The following LARGE1 variants were observed in gnomAD, a reference collection of about 807,000 sequenced individuals.
LARGE1 encodes xylosyl- and glucuronyltransferase LARGE1.
A neutral mutation model predicts 87.6 loss-of-function variants in LARGE1; 43 were observed. The observed-to-expected ratio is 0.49, with a 90% CI of 0.38 to 0.63. The LOEUF is 0.63. Among genes scored for constraint, LARGE1 ranks in the 30% least tolerant of loss-of-function variants. The pLI is 0.00. For synonymous variants in LARGE1, 434 were observed against 394.6 expected (o/e 1.10, Z -1.18); for missense variants, 802 against 1,000.2 (o/e 0.80, Z 2.67).
rs111482580 is a variant in LARGE1, at chr22:33,760,904, G to A, written c.106+467C>T. Among the ~76,000 whole-genome samples the A allele has an allele frequency of 7.9e-3, 1,201 of 152,186 alleles. 13 individuals carry two copies. Among genetic ancestry groups the A allele is most frequent in the African/African-American group, 0.028 (1,154 of 41,524 alleles). ...CACTGCACTCCAGCCTGGTAACAGA[G>A]CGAGACTCCGTCTCAAAAAAACCAA... On this transcript the variant is annotated intron_variant, in intron 2 of 14. Transcript: ENST00000397394.
chr22:33,304,635 C>T (rs1354674496), intron 11 of LARGE1, 128 bp from the exon 12 acceptor site: 4 of 966,718 alleles, frequency 4.1e-6, no homozygotes, highest in South Asian at 3.4e-5. Context: ...CTGCTTTCAA[C>T]GTTGACTCAC....
At chr22:33,378,705 ATAATT>A (rs2065063734) in intron 9 of LARGE1, among the ~76,000 whole-genome samples, 1 of 152,200 alleles carries the variant, frequency 6.6e-6, no homozygotes, top group South Asian at 2.1e-4. Flanking sequence ...CTGGGTCCCT[ATAATT>A]TAATACAACA....
intron 7 of LARGE1, among the ~76,000 whole-genome samples, chr22:33,423,406 G>T (rs947269438): frequency 6.6e-6 from 1 of 151,928 alleles, no homozygotes; most frequent in Non-Finnish European, 1.5e-5. Context: ...GCTGGGCACG[G>T]TGGCTCACGC....
intron 10 of LARGE1, chr22:33,322,525 G>C (rs1936846268): frequency 6.6e-6 from 1 of 152,172 alleles, no homozygotes; most frequent in South Asian, 2.1e-4. Flanking sequence ...TGCTGACTGC[G>C]TGGCTGATGT....
At chr22:33,821,659 C>T (rs1291572805) in intron 1 of LARGE1, among the ~76,000 whole-genome samples, 1 of 152,116 alleles carries the variant, frequency 6.6e-6, no homozygotes, top group Non-Finnish European at 1.5e-5. Context: ...TGACTTGTAC[C>T]CTCCTTAGCC....
chr22:33,074,993 GC>G, the LARGE1 span, among the ~76,000 whole-genome samples: 1 of 152,182 alleles, frequency 6.6e-6, no homozygotes, highest in African/African-American at 2.4e-5. Flanking sequence ...GGAATTCCAA[GC>G]TTAGCGAGCT....
At chr22:33,418,850 TG>T (rs1406954306) in intron 7 of LARGE1, among the ~76,000 whole-genome samples, 10 of 152,228 alleles carry the variant, frequency 6.6e-5, no homozygotes, top group Middle Eastern at 3.4e-3. Context: ...TCAGGAACCT[TG>T]GGGCACAGGC....
At chr22:33,084,883 TAGTG>T in the LARGE1 span, among the ~76,000 whole-genome samples, 2 of 152,170 alleles carry the variant, frequency 1.3e-5, no homozygotes, top group East Asian at 1.9e-4. Flanking sequence ...CCTCAAAATC[TAGTG>T]AGTATTTTAC....
At chr22:33,516,037 A>G (rs2071288366) in intron 6 of LARGE1, among the ~76,000 whole-genome samples, 1 of 152,224 alleles carries the variant, frequency 6.6e-6, no homozygotes, top group Non-Finnish European at 1.5e-5. Context: ...AGAGCAATCA[A>G]TGATAGACAG....
chr22:33,606,584 C>G (rs904580055), intron 4 of LARGE1, among the ~76,000 whole-genome samples: 1 of 152,014 alleles, frequency 6.6e-6, no homozygotes, highest in African/African-American at 2.4e-5. Context: ...TTTCCCGCCC[C>G]CTACCCCGTG....
intron 1 of LARGE1, among the ~76,000 whole-genome samples, chr22:33,797,741 T>C (rs1430496117): frequency 6.6e-6 from 1 of 152,198 alleles, no homozygotes; most frequent in Non-Finnish European, 1.5e-5. Flanking sequence ...CACAAAGGCA[T>C]CCTAACTGAT....
downstream of LARGE1, among the ~76,000 whole-genome samples, chr22:33,159,082 G>A (rs1921946059): frequency 6.6e-6 from 1 of 151,924 alleles, no homozygotes; most frequent in Admixed American, 6.6e-5. Context: ...GGCCCTCTTT[G>A]TCCTCATCCC....
At chr22:33,355,864 G>C (rs904909095) in intron 9 of LARGE1, among the ~76,000 whole-genome samples, 2 of 152,114 alleles carry the variant, frequency 1.3e-5, no homozygotes, top group African/African-American at 4.8e-5. Context: ...GGCTTCTAAG[G>C]AACTTGTCCT....
intron 6 of LARGE1, among the ~76,000 whole-genome samples, chr22:33,455,296 G>A (rs1191718209): frequency 6.6e-6 from 1 of 152,186 alleles, no homozygotes; most frequent in Admixed American, 6.5e-5. Flanking sequence ...CACCACCTGG[G>A]CTGGGTGCTT....
intron 6 of LARGE1, among the ~76,000 whole-genome samples, chr22:33,453,597 G>C (rs1056650450): frequency 1.3e-5 from 2 of 152,160 alleles, no homozygotes; most frequent in African/African-American, 4.8e-5. Flanking sequence ...TGAAAAGCCA[G>C]GTCCTCTGCG....
rs111464776 is a variant in LARGE1, at chr22:33,418,332, A to G, written c.892+13829T>C. On this transcript the variant is annotated intron_variant, in intron 7 of 14. Transcript: ENST00000397394. ...TAAACTCCCTATGTTGAAGCCCATA[A>G]TTATAGCTGCAAAGTCTCTTTTGCC... 3.7e-3 allele frequency among the ~76,000 whole-genome samples: 568 copies of G among 152,248 alleles called. 3 individuals are homozygous for G. Among genetic ancestry groups the G allele is most frequent in the African/African-American group, 0.012 (519 of 41,530 alleles).
At chr22:33,367,460 C>T (rs1321908725) in intron 9 of LARGE1, among the ~76,000 whole-genome samples, 1 of 152,146 alleles carries the variant, frequency 6.6e-6, no homozygotes, top group Non-Finnish European at 1.5e-5. Flanking sequence ...TTCTGTTACC[C>T]AGGCTGTAGT....
At chr22:33,885,967 T>A (rs896960197) in intron 1 of LARGE1, among the ~76,000 whole-genome samples, 1 of 151,976 alleles carries the variant, frequency 6.6e-6, no homozygotes, top group African/African-American at 2.4e-5. Flanking sequence ...GAGGCAGAGA[T>A]TGCAGTGAGC....
chr22:33,118,262 C>T, the LARGE1 span, among the ~76,000 whole-genome samples: 13 of 152,096 alleles, frequency 8.5e-5, no homozygotes, highest in South Asian at 8.3e-4. Flanking sequence ...GTGGAAGGAT[C>T]GCTTGAGCCC....
Sources: gnomAD v4.1 joint callset for allele counts (sites outside exome capture counted in the v4.1 genomes callset) on GRCh38, gnomAD v4.1.1 for gene constraint, MANE v1.5 for transcripts, NCBI Gene and HGNC (gene_info 2026-07-23, HGNC 2026-07-21) for gene names.